Variants in COMMD1 observed in about 807,000 individuals in gnomAD.
The protein encoded by COMMD1 is COMM domain-containing protein 1.
In COMMD1, 10 loss-of-function variants were observed where a neutral mutation model predicts 17.2. The observed-to-expected ratio is 0.58, with a 90% CI of 0.36 to 0.99. The LOEUF is 0.99. Ranked by LOEUF, COMMD1 falls within the 50% of genes least tolerant of loss-of-function variation. COMMD1 has a pLI of 0.01. For synonymous variants in COMMD1, 97 were observed against 91.6 expected, an observed-to-expected ratio of 1.06 and a Z score of -0.34; for missense variants, 270 against 231.8, an observed-to-expected ratio of 1.17 and a Z score of -1.07.
chr2:61,985,886 C>G (rs937103285), intron 1 of COMMD1, among the ~76,000 whole-genome samples: 1 of 151,946 alleles, frequency 6.6e-6, no homozygotes, highest in African/African-American at 2.4e-5. Context: ...AGTCTTTCTA[C>G]TCACAATATG....
intron 1 of COMMD1, among the ~76,000 whole-genome samples, chr2:61,921,772 A>T (rs72821338): frequency 0.11 from 16,372 of 152,252 alleles, 1,329 homozygotes; most frequent in Admixed American, 0.25. Flanking sequence ...GGGAATGGTG[A>T]TTGATAGTTT....
chr2:62,099,134 A>G (rs1040984208), intron 2 of COMMD1, among the ~76,000 whole-genome samples: 3 of 152,176 alleles, frequency 2.0e-5, no homozygotes, highest in Middle Eastern at 3.2e-3. Flanking sequence ...GGAAAAATGA[A>G]ATTGTCTGGA....
At chr2:61,942,620 G>A (rs1389845691) in intron 1 of COMMD1, among the ~76,000 whole-genome samples, 1 of 146,136 alleles carries the variant, frequency 6.8e-6, no homozygotes, top group Non-Finnish European at 1.5e-5. Flanking sequence ...GCTCATTGCA[G>A]CCTCCATCTC....
At chr2:61,971,152 A>T (rs1671640501) in intron 1 of COMMD1, among the ~76,000 whole-genome samples, 1 of 152,240 alleles carries the variant, frequency 6.6e-6, no homozygotes, top group South Asian at 2.1e-4. Context: ...AGGAAATTGA[A>T]CACTCGAACA....
At chr2:62,027,900 A>T (rs1573088455) in intron 2 of COMMD1, among the ~76,000 whole-genome samples, 1 of 152,032 alleles carries the variant, frequency 6.6e-6, no homozygotes, top group Admixed American at 6.6e-5. Context: ...TGATCTGCCC[A>T]CCTTGACCTC....
At chr2:62,012,270 T>TAC (rs57739132) in intron 2 of COMMD1, among the ~76,000 whole-genome samples, 44,684 of 129,582 alleles carry the variant, frequency 0.34, 7,440 homozygotes, top group Middle Eastern at 0.43. Context: ...CACACACACA[T>TAC]ACACACACAC....
At chr2:61,891,378 C>T (rs1205532054) in intron 1 of COMMD1, among the ~76,000 whole-genome samples, 3 of 152,140 alleles carry the variant, frequency 2.0e-5, no homozygotes, top group Non-Finnish European at 2.9e-5. Context: ...TGTTAAACAT[C>T]GGCTTTCATC....
At chr2:61,960,113 ATGTGTGTG>A (rs70946771) in intron 1 of COMMD1, among the ~76,000 whole-genome samples, 2 of 150,120 alleles carry the variant, frequency 1.3e-5, no homozygotes, top group African/African-American at 4.9e-5. Context: ...TTTGGAATAT[ATGTGTGTG>A]TGTGTGTGTG....
At chr2:61,940,848 G>A (rs1271085341) in intron 1 of COMMD1, among the ~76,000 whole-genome samples, 2 of 151,458 alleles carry the variant, frequency 1.3e-5, no homozygotes, top group Non-Finnish European at 2.9e-5. Context: ...CACCATGCCC[G>A]GGTAATTTTT....
intron 1 of COMMD1, among the ~76,000 whole-genome samples, chr2:61,948,005 T>A (rs990546634): frequency 1.3e-5 from 2 of 152,102 alleles, no homozygotes; most frequent in Admixed American, 6.5e-5. Flanking sequence ...AAATAAAATA[T>A]GTAAATATAA....
intron 2 of COMMD1, among the ~76,000 whole-genome samples, chr2:62,014,867 T>C (rs1187032493): frequency 6.6e-6 from 1 of 151,982 alleles, no homozygotes; most frequent in Non-Finnish European, 1.5e-5. Flanking sequence ...GCCCGGCCAT[T>C]TCAGCAGTTT....
intron 1 of COMMD1, among the ~76,000 whole-genome samples, chr2:61,908,794 C>G (rs928873545): frequency 6.6e-6 from 1 of 151,868 alleles, no homozygotes; most frequent in South Asian, 2.1e-4. Flanking sequence ...GTCTTGAACT[C>G]CTGACCTCGT....
chr2:62,061,364 G>T (rs1392857609), intron 2 of COMMD1, among the ~76,000 whole-genome samples: 1 of 148,694 alleles, frequency 6.7e-6, no homozygotes, highest in Non-Finnish European at 1.5e-5. Flanking sequence ...CAGTTAACTT[G>T]ACTGAGTCTA....
intron 2 of COMMD1, among the ~76,000 whole-genome samples, chr2:62,113,639 C>A (rs1672515711): frequency 6.6e-6 from 1 of 152,210 alleles, no homozygotes; most frequent in Non-Finnish European, 1.5e-5. Context: ...CTGCCTTGGC[C>A]TCCCAAAGTG....
Position 62,136,020 on chromosome 2 carries a change from T to C in COMMD1, c.*79T>C. ...CCCCACTGACCTTTTCTAAGAAAAT[T>C]CTTGTGCCCGCATTGGTATTAAATC... On this transcript the variant is annotated 3_prime_UTR_variant, in exon 3 of 3. Transcript: ENST00000311832. The C allele has an allele frequency of 1.3e-6, 1 of 783,286 alleles. No homozygotes were observed. Among genetic ancestry groups the C allele is most frequent in the Non-Finnish European group, 2.3e-6 (1 of 434,218 alleles). 48.5% of individuals were successfully genotyped at this position (783,286 alleles called of 1,614,324 possible). A position where few individuals can be genotyped will look rare whatever the true frequency, so the allele number is the denominator to read the frequency against.
chr2:61,937,294 G>A (rs1037454591), intron 1 of COMMD1, among the ~76,000 whole-genome samples: 24 of 152,222 alleles, frequency 1.6e-4, no homozygotes, highest in African/African-American at 3.9e-4. Flanking sequence ...AGAGTGCCCC[G>A]GCCAATGAGG....
chr2:61,951,364 G>C (rs1280701933), intron 1 of COMMD1, among the ~76,000 whole-genome samples: 1 of 151,794 alleles, frequency 6.6e-6, no homozygotes, highest in Non-Finnish European at 1.5e-5. Flanking sequence ...GGAGGCTGAG[G>C]TACGAGAATC....
At position 61,905,847 on chromosome 2, in the gene COMMD1, G is replaced by T. The variant is rs777376020; in HGVS notation, c.169G>T (p.Gly57Trp). ...CCGCCCCTTTCTGGCAAAGATGAGG[G>T]GGATTCTTAAGGTACTGCTCTTTTC... ...EFRPFLAKMRGILKSIASADM... is the reference protein window; with the variant it reads ...EFRPFLAKMRWILKSIASADM... The change falls in exon 1 of 3, where the codon GGG becomes TGG. Residue 57 changes from glycine (G) to tryptophan (W), a missense_variant. Gly to Trp is a radical substitution (Grantham distance 184). Transcript: ENST00000311832. 19 of 1,614,178 alleles carry T rather than the reference G, an allele frequency of 1.2e-5. No homozygotes were observed. Among genetic ancestry groups the T allele is most frequent in the Non-Finnish European group, 1.6e-5 (19 of 1,180,032 alleles).
At chr2:61,937,454 C>T (rs1012828818) in intron 1 of COMMD1, among the ~76,000 whole-genome samples, 1 of 152,190 alleles carries the variant, frequency 6.6e-6, no homozygotes, top group Admixed American at 6.5e-5. Context: ...CCATCCTGTC[C>T]TTCAGTGGGA....
Sources: allele counts gnomAD v4.1 joint callset (sites outside exome capture counted in the v4.1 genomes callset), GRCh38; gene constraint gnomAD v4.1.1; transcripts MANE v1.5; gene names NCBI Gene and HGNC (gene_info 2026-07-23, HGNC 2026-07-21).